TMEM181: variants seen among roughly 807,000 people sequenced by gnomAD.
The protein encoded by TMEM181 is G protein-coupled receptor 178.
A neutral mutation model predicts 71.9 loss-of-function variants in TMEM181; 39 were observed. That is an observed-to-expected ratio of 0.54 (90% CI 0.42 to 0.71). The LOEUF is 0.71. Among genes scored for constraint, TMEM181 ranks in the 30% least tolerant of loss-of-function variants. TMEM181 has a pLI of 0.00. For synonymous variants in TMEM181, 245 were observed against 228.8 expected, an observed-to-expected ratio of 1.07 and a Z score of -0.64; for missense variants, 595 against 583.0, an observed-to-expected ratio of 1.02 and a Z score of -0.21.
intron 10 of TMEM181, among the ~76,000 whole-genome samples, chr6:158,619,222 TCTTG>T (rs1316186993): frequency 6.6e-6 from 1 of 152,220 alleles, no homozygotes; most frequent in Non-Finnish European, 1.5e-5. Flanking sequence ...GAACTTCTCT[TCTTG>T]CTTCATTTCA....
At position 158,632,527 on chromosome 6, in the gene TMEM181, G is replaced by C. The variant is rs890677360; in HGVS notation, c.*639G>C. ...ACCAAAGGGGAAGTAATAGTGTGGA[G>C]TTCTGAGGAGGGTTTGATAAGTTGA... On this transcript the variant is annotated 3_prime_UTR_variant, in exon 17 of 17. Coordinates refer to ENST00000684151, the MANE Select transcript of TMEM181 (RefSeq NM_001376852.1). The C allele has an allele frequency of 2.0e-5, 3 of 152,796 alleles. No homozygotes were observed. Among genetic ancestry groups the C allele is most frequent in the East Asian group, 3.8e-4 (2 of 5,202 alleles). The allele number at this position is 152,796 out of a possible 1,614,324, so 9.5% of individuals were successfully genotyped here.
At chr6:158,629,916 C>T (rs1288609794) in intron 15 of TMEM181, 97 bp downstream of exon 15, 30 of 991,504 alleles carry the variant, frequency 3.0e-5, no homozygotes, top group South Asian at 3.9e-5. Flanking sequence ...TTCATGTGGG[C>T]GCTGTGATTC....
chr6:158,581,422 G>C (rs905468397), intron 3 of TMEM181, among the ~76,000 whole-genome samples: 4 of 152,068 alleles, frequency 2.6e-5, no homozygotes, highest in Admixed American at 2.0e-4. Context: ...TGTATTCCTT[G>C]TGTGAACTCA....
chr6:158,611,622 C>CCGAA (rs570655506), intron 10 of TMEM181: 199 of 339,612 alleles, frequency 5.9e-4, no homozygotes, highest in Non-Finnish European at 9.0e-4. Flanking sequence ...TGGAGGGGTT[C>CCGAA]CCCCTGACGA....
intron 1 of TMEM181, among the ~76,000 whole-genome samples, chr6:158,548,873 T>G (rs1461684502): frequency 6.6e-6 from 1 of 152,208 alleles, no homozygotes; most frequent in Non-Finnish European, 1.5e-5. Flanking sequence ...GGACTGATAC[T>G]TAAAAACCAC....
chr6:158,585,804 A>G (rs146838916), intron 5 of TMEM181, among the ~76,000 whole-genome samples: 495 of 152,276 alleles, frequency 3.3e-3, no homozygotes, highest in African/African-American at 0.011. Context: ...CGTCTGCCAC[A>G]GGCTGTGGTC....
chr6:158,570,955 C>G (rs1396722030), intron 1 of TMEM181, among the ~76,000 whole-genome samples: 1 of 151,622 alleles, frequency 6.6e-6, no homozygotes, highest in Non-Finnish European at 1.5e-5. Context: ...GCTCTGTCAC[C>G]TGGCTGGAGT....
intron 8 of TMEM181, among the ~76,000 whole-genome samples, chr6:158,607,783 G>T (rs1785034702): frequency 6.6e-6 from 1 of 152,210 alleles, no homozygotes. Flanking sequence ...GCCACCCCAG[G>T]AGCCATGTTC....
chr6:158,550,224 G>A (rs887422552), intron 1 of TMEM181, among the ~76,000 whole-genome samples: 3 of 151,652 alleles, frequency 2.0e-5, no homozygotes, highest in African/African-American at 7.3e-5. Context: ...TGGCTGTGAG[G>A]CTAAGAGACA....
At chr6:158,563,929 G>A (rs964930400) in intron 1 of TMEM181, among the ~76,000 whole-genome samples, 6 of 152,150 alleles carry the variant, frequency 3.9e-5, no homozygotes, top group East Asian at 3.9e-4. Context: ...CTACAGGTGC[G>A]CGCCACCACA....
upstream of TMEM181, among the ~76,000 whole-genome samples, chr6:158,558,265 A>G (rs1233483625): frequency 6.6e-6 from 1 of 152,232 alleles, no homozygotes; most frequent in East Asian, 1.9e-4. Context: ...GGAGGTAGAT[A>G]CTGGCTGCCT....
chr6:158,581,509 T>A (rs370288497), intron 3 of TMEM181, among the ~76,000 whole-genome samples: 2 of 152,102 alleles, frequency 1.3e-5, no homozygotes, highest in African/African-American at 2.4e-5. Context: ...ATCCCAGCAC[T>A]TTGGGAAGCT....
chr6:158,610,992 G>C (rs1583031461), intron 10 of TMEM181: 2 of 440,266 alleles, frequency 4.5e-6, no homozygotes, highest in Non-Finnish European at 8.9e-6. Context: ...GCTTCCTGAA[G>C]AGGGGTGCTC....
At chr6:158,555,734 AT>A (rs1367089398), upstream of TMEM181, among the ~76,000 whole-genome samples, 2 of 152,222 alleles carry the variant, frequency 1.3e-5, no homozygotes, top group Admixed American at 6.5e-5. Context: ...TGAGAATCCC[AT>A]TCTGCTTTTT....
chr6:158,593,003 T>G (rs1583000423), intron 6 of TMEM181, among the ~76,000 whole-genome samples: 1 of 152,298 alleles, frequency 6.6e-6, no homozygotes, highest in South Asian at 2.1e-4. Context: ...CTCATACACA[T>G]GAGTGGGGGG....
chr6:158,578,851 C>T (rs950678032), intron 2 of TMEM181, among the ~76,000 whole-genome samples: 4 of 152,214 alleles, frequency 2.6e-5, no homozygotes, highest in Non-Finnish European at 5.9e-5. Context: ...GAGACTCACT[C>T]TAGATCCAAA....
At position 158,576,487 on chromosome 6, in the gene TMEM181, C is replaced by T. The variant is rs924042120; in HGVS notation, c.112+2964C>T. Among the ~76,000 whole-genome samples, 84 of 151,996 alleles carry T rather than the reference C, an allele frequency of 5.5e-4. 1 individual carries two copies. The highest frequency in any genetic ancestry group is 2.0e-3 in the African/African-American group (82 of 41,386). ...AAGGGCTGGCACTTTTTTACCCCTT[C>T]GTTTTTGCCTTTTTCCTTTCTCGGG... is the stretch of plus-strand genomic sequence containing the variant. On this transcript the variant is annotated intron_variant, in intron 2 of 16. Coordinates refer to ENST00000684151, the MANE Select transcript of TMEM181 (RefSeq NM_001376852.1).
chr6:158,579,711 C>T (rs982474388), intron 2 of TMEM181, among the ~76,000 whole-genome samples: 5 of 151,906 alleles, frequency 3.3e-5, no homozygotes, highest in East Asian at 1.9e-4. Context: ...AAGAGTGAAA[C>T]GCTGTCTCAA....
At chr6:158,554,782 C>T (rs566095311) in intron 1 of TMEM181, among the ~76,000 whole-genome samples, 40 of 152,290 alleles carry the variant, frequency 2.6e-4, no homozygotes, top group African/African-American at 9.6e-4. Context: ...TATCTTACAG[C>T]TTTCATTTTA....
Sources: gnomAD v4.1 joint callset for allele counts (sites outside exome capture counted in the v4.1 genomes callset) on GRCh38, gnomAD v4.1.1 for gene constraint, MANE v1.5 for transcripts, NCBI Gene and HGNC (gene_info 2026-07-23, HGNC 2026-07-21) for gene names.